Variants in SLC28A1 observed in about 807,000 individuals in gnomAD.
SLC28A1 encodes sodium/nucleoside cotransporter 1.
A neutral mutation model predicts 74.8 loss-of-function variants in SLC28A1; 64 were observed. The ratio of observed to expected loss-of-function variants is 0.86; its 90% CI spans 0.70 to 1.05. SLC28A1 has a LOEUF of 1.05. SLC28A1 is among the 50% of genes least tolerant of loss of function. The pLI is 0.00. For synonymous variants in SLC28A1, 359 were observed against 335.0 expected, an observed-to-expected ratio of 1.07 and a Z score of -0.78; for missense variants, 828 against 822.8, an observed-to-expected ratio of 1.01 and a Z score of -0.08.
chr15:84,931,651 C>CAAA (rs60407699), intron 12 of SLC28A1, among the ~76,000 whole-genome samples: 9 of 52,404 alleles, frequency 1.7e-4, no homozygotes, highest in Non-Finnish European at 2.4e-4. Flanking sequence ...GACTCCATCT[C>CAAA]AAAAAAAAAA....
intron 5 of SLC28A1, among the ~76,000 whole-genome samples, chr15:84,892,718 A>G (rs1596206241): frequency 6.6e-6 from 1 of 152,164 alleles, no homozygotes; most frequent in East Asian, 1.9e-4. Context: ...TGATAGAGAA[A>G]TGAGGCTCAT....
intron 6 of SLC28A1, among the ~76,000 whole-genome samples, chr15:84,901,333 C>T (rs975843578): frequency 2.0e-5 from 3 of 152,102 alleles, no homozygotes; most frequent in African/African-American, 7.2e-5. Context: ...ATGGTGAAAC[C>T]CCATCTCTAC....
At chr15:84,939,491 T>C (rs1216065346) in intron 15 of SLC28A1, 1 of 152,194 alleles carries the variant, frequency 6.6e-6, no homozygotes, top group African/African-American at 2.4e-5. Context: ...TTTCCAATAA[T>C]ATTTGTATCA....
intron 9 of SLC28A1, among the ~76,000 whole-genome samples, chr15:84,911,158 TC>T (rs1229825434): frequency 2.6e-5 from 4 of 151,896 alleles, no homozygotes; most frequent in Non-Finnish European, 5.9e-5. Flanking sequence ...CCCGCGTCTC[TC>T]CTGCGTCATT....
chr15:84,918,726 C>T, intron 10 of SLC28A1, 122 bp downstream of exon 10: 1 of 792,128 alleles, frequency 1.3e-6, no homozygotes, highest in Non-Finnish European at 2.2e-6. Flanking sequence ...TCCCCAAGCC[C>T]ACACCCTTCC....
chr15:84,918,613 C>T lies in SLC28A1; in HGVS notation c.876+9C>T. The stretch of plus-strand genomic sequence containing the variant: ...AGTGGGTGATCCTGAAGGTAAGTTC[C>T]CAGTGCCCATGGCCAGGGCTCTCCC... On this transcript the variant is annotated intron_variant, in intron 10 of 18. Transcript: ENST00000394573. The T allele has an allele frequency of 6.2e-7, 1 of 1,603,458 alleles. No homozygotes were observed. Among genetic ancestry groups the T allele is most frequent in the Non-Finnish European group, 8.5e-7 (1 of 1,170,448 alleles).
At chr15:84,890,781 A>T (rs1240354302) in intron 5 of SLC28A1, among the ~76,000 whole-genome samples, 1 of 152,192 alleles carries the variant, frequency 6.6e-6, no homozygotes, top group Non-Finnish European at 1.5e-5. Context: ...GTCATCTGGG[A>T]ACACCAAGGA....
chr15:84,890,025 G>A (rs1020443461), intron 4 of SLC28A1, among the ~76,000 whole-genome samples: 1 of 152,026 alleles, frequency 6.6e-6, no homozygotes, highest in Non-Finnish European at 1.5e-5. Context: ...TGGTAGAGAA[G>A]GGGTTTGTCA....
chr15:84,905,748 A>G, intron 8 of SLC28A1, 96 bp downstream of exon 8: 1 of 952,256 alleles, frequency 1.1e-6, no homozygotes, highest in South Asian at 1.4e-5. Flanking sequence ...GTGAGGCCAT[A>G]GAGAAGGCTT....
downstream of SLC28A1, among the ~76,000 whole-genome samples, chr15:84,946,256 A>G (rs2079227608): frequency 6.7e-6 from 1 of 149,944 alleles, no homozygotes; most frequent in South Asian, 2.1e-4. Context: ...TATCTGGCCC[A>G]TAAGAACCTT....
chr15:84,886,744 G>A lies in SLC28A1; in HGVS notation c.-60G>A, dbSNP rs1311567605. 1.0e-6 allele frequency: 1 copy of A among 985,486 alleles called. No individual in the cohort carries two copies. Among genetic ancestry groups the A allele is most frequent in the Non-Finnish European group, 1.2e-6 (1 of 829,946 alleles). 61.0% of individuals were successfully genotyped at this position (985,486 alleles called of 1,614,324 possible). ...ACCCAGCTTGTCCCCACAGAGACGT[G>A]TGCTTCCCTCTCTCTCTGAGAGCGA... On this transcript the variant is annotated 5_prime_UTR_variant, in exon 2 of 19. The change creates a new upstream start codon in the 5' untranslated region. Coordinates refer to ENST00000394573, the MANE Select transcript of SLC28A1 (RefSeq NM_004213.5).
intron 12 of SLC28A1, among the ~76,000 whole-genome samples, chr15:84,930,545 T>C (rs1971142379): frequency 6.6e-6 from 1 of 151,320 alleles, no homozygotes; most frequent in East Asian, 1.9e-4. Context: ...GTCTCCAGCC[T>C]GGCTTCTCAG....
chr15:84,960,777 C>T, the SLC28A1 span, among the ~76,000 whole-genome samples: 4 of 152,214 alleles, frequency 2.6e-5, no homozygotes, highest in African/African-American at 9.7e-5. Flanking sequence ...GCTCTGCTTC[C>T]AAAACTGTGT....
At chr15:84,900,886 G>T (rs1966609489) in intron 6 of SLC28A1, among the ~76,000 whole-genome samples, 1 of 120,432 alleles carries the variant, frequency 8.3e-6, no homozygotes, top group Admixed American at 8.8e-5. Flanking sequence ...AAGGAAGGAA[G>T]GAAGGAAGGA....
the SLC28A1 span, among the ~76,000 whole-genome samples, chr15:84,954,318 G>A: frequency 2.0e-5 from 3 of 152,166 alleles, no homozygotes; most frequent in South Asian, 2.1e-4. Flanking sequence ...AGTTTCCCAC[G>A]AGATCGGGGG....
At chr15:84,956,973 A>T in the SLC28A1 span, among the ~76,000 whole-genome samples, 2 of 152,138 alleles carry the variant, frequency 1.3e-5, no homozygotes, top group Non-Finnish European at 2.9e-5. Flanking sequence ...AATGTGAAAA[A>T]TTTATGCATT....
intron 9 of SLC28A1, among the ~76,000 whole-genome samples, chr15:84,916,240 C>CGGGTGTGAGCCACCATGCCTGGCCTTTTT (rs1555449976): frequency 1.0e-5 from 1 of 98,424 alleles, no homozygotes; most frequent in Non-Finnish European, 1.9e-5. Flanking sequence ...GCTGGGATTA[C>CGGGTGTGAGCCACCATGCCTGGCCTTTTT]TTTTTTTTTT....
chr15:84,932,739 G>T (rs978459723), intron 12 of SLC28A1, among the ~76,000 whole-genome samples: 1 of 152,236 alleles, frequency 6.6e-6, no homozygotes, highest in Non-Finnish European at 1.5e-5. Flanking sequence ...GGAAACCTCA[G>T]CTAACGGGGA....
chr15:84,933,995 C>A (rs11632593), intron 13 of SLC28A1, among the ~76,000 whole-genome samples: 136,154 of 152,152 alleles, frequency 0.89, 61,088 homozygotes, highest in Middle Eastern at 0.96. Flanking sequence ...CAAAAAGCCA[C>A]CAGTCCTACT....
Sources: allele counts gnomAD v4.1 joint callset (sites outside exome capture counted in the v4.1 genomes callset), GRCh38; gene constraint gnomAD v4.1.1; transcripts MANE v1.5; gene names NCBI Gene and HGNC (gene_info 2026-07-23, HGNC 2026-07-21).